Variants in ABHD2 observed in about 807,000 individuals in gnomAD.
ABHD2 encodes monoacylglycerol lipase ABHD2.
ABHD2 carries 20 observed loss-of-function variants against 48.1 expected under a neutral mutation model. The observed-to-expected ratio is 0.42, with a 90% CI of 0.29 to 0.60. The LOEUF (loss-of-function observed/expected upper bound fraction) is 0.60, where lower values mean the gene tolerates loss of function less well. Among genes scored for constraint, ABHD2 ranks in the 20% least tolerant of loss-of-function variants. The pLI is 0.24. For missense variants in ABHD2, 405 were observed against 550.9 expected (o/e 0.74, Z 2.65); for synonymous variants, 209 against 214.2 (o/e 0.98, Z 0.21).
rs896214718 is a variant in ABHD2 at position 89,168,050 on chromosome 15, T to A, written c.539-7762T>A. Among the ~76,000 whole-genome samples, 41 of 152,046 alleles carry A rather than the reference T, an allele frequency of 2.7e-4. No individual in the cohort carries two copies. The highest frequency in any genetic ancestry group is 9.2e-4 in the African/African-American group (38 of 41,394). On this transcript the variant is annotated intron_variant, in intron 5 of 10. Coordinates refer to ENST00000352732, the MANE Select transcript of ABHD2 (RefSeq NM_152924.5). This position sits in a 1 kb window ranked among gnomAD's most constrained non-coding sequence, Gnocchi z 4.8. ...TGGAACATACAGAGATGACTCAGAG[T>A]CTCCATCCACAAGGAACACCAAGTC...
At chr15:89,171,208 C>T (rs1181251577) in intron 5 of ABHD2, among the ~76,000 whole-genome samples, 1 of 152,160 alleles carries the variant, frequency 6.6e-6, no homozygotes, top group Non-Finnish European at 1.5e-5. Flanking sequence ...GTCAGCATCA[C>T]CTGAGAACTT....
chr15:89,048,939 C>G, the ABHD2 span, among the ~76,000 whole-genome samples: 1 of 147,164 alleles, frequency 6.8e-6, no homozygotes, highest in African/African-American at 2.6e-5. Context: ...GAACTGCGTT[C>G]CTTTGGAGGA....
chr15:89,175,761 C>T lies in ABHD2; in HGVS notation c.539-51C>T, dbSNP rs778474255. On this transcript the variant is annotated intron_variant, in intron 5 of 10. Transcript: ENST00000352732. This position sits in a 1 kb window ranked among gnomAD's most constrained non-coding sequence, Gnocchi z 5.7. ...GTAACGTTCCAGCTTGCATTTTCTC[C>T]AGATAGGATGCACCTGAAATGATTG... is the stretch of plus-strand genomic sequence containing the variant. The T allele has an allele frequency of 6.2e-7, 1 of 1,603,392 alleles. No homozygotes were observed. The highest frequency in any genetic ancestry group is 1.1e-5 in the South Asian group (1 of 90,188).
Position 89,185,352 on chromosome 15 carries a change from C to A in ABHD2, c.723-72C>A. 1 of 1,245,950 alleles carries A rather than the reference C, an allele frequency of 8.0e-7. No homozygotes were observed. The highest frequency in any genetic ancestry group is 1.2e-6 in the Non-Finnish European group (1 of 854,028). The allele number at this position is 1,245,950 out of a possible 1,614,324, so 77.2% of individuals were successfully genotyped here. On this transcript the variant is annotated intron_variant, in intron 6 of 10. Transcript: ENST00000352732. The surrounding 1 kb of genome is among the most constrained non-coding windows in gnomAD (Gnocchi z 5.9). The stretch of plus-strand genomic sequence containing the variant: ...TCCACACAAGCACCTCACCCCATGG[C>A]TAGAGCCCCCTCCTGGCTGCCCGCC...
At chr15:89,178,434 G>A (rs2051052764) in intron 6 of ABHD2, among the ~76,000 whole-genome samples, 1 of 152,210 alleles carries the variant, frequency 6.6e-6, no homozygotes, top group South Asian at 2.1e-4. Context: ...GAGCCGGGGA[G>A]GCCCGTCTGC....
At chr15:89,049,321 A>G in the ABHD2 span, among the ~76,000 whole-genome samples, 1 of 152,228 alleles carries the variant, frequency 6.6e-6, no homozygotes, top group African/African-American at 2.4e-5. Context: ...TTAAGTCTGT[A>G]GAGGTTACTG....
At position 89,197,224 on chromosome 15, in the gene ABHD2, C is replaced by T. The variant is rs950990911; in HGVS notation, c.*1801C>T. 4 of 152,670 alleles carry T rather than the reference C, an allele frequency of 2.6e-5. No individual in the cohort carries two copies. The highest frequency in any genetic ancestry group is 9.6e-5 in the African/African-American group (4 of 41,458). 9.5% of individuals were successfully genotyped at this position (152,670 alleles called of 1,614,324 possible). On this transcript the variant is annotated 3_prime_UTR_variant, in exon 11 of 11. Transcript: ENST00000352732. The surrounding 1 kb of genome is among the most constrained non-coding windows in gnomAD (Gnocchi z 4.4). Reference sequence around the variant, plus strand: ...CATCCGAATGACATCAAAAGCAGCCCTTATCTCAGAGACTGAGATTTCTGT... The same window carrying T: ...CATCCGAATGACATCAAAAGCAGCCTTTATCTCAGAGACTGAGATTTCTGT...
intron 3 of ABHD2, among the ~76,000 whole-genome samples, chr15:89,145,568 G>T (rs2050477503): frequency 6.6e-6 from 1 of 152,176 alleles, no homozygotes; most frequent in African/African-American, 2.4e-5. Flanking sequence ...TCAAAGACAA[G>T]CCCAGCTCAA....
chr15:89,048,997 T>C, the ABHD2 span, among the ~76,000 whole-genome samples: 1 of 152,102 alleles, frequency 6.6e-6, no homozygotes, highest in East Asian at 1.9e-4. Flanking sequence ...TGCTCTGTTT[T>C]TTCCCCATCT....
intron 3 of ABHD2, among the ~76,000 whole-genome samples, chr15:89,121,259 G>T (rs1412637606): frequency 6.6e-6 from 1 of 152,090 alleles, no homozygotes; most frequent in Non-Finnish European, 1.5e-5. Context: ...GTCTCCCATG[G>T]TGCCCTTCAG....
intron 3 of ABHD2, among the ~76,000 whole-genome samples, chr15:89,130,255 G>A (rs2050198183): frequency 6.6e-6 from 1 of 152,138 alleles, no homozygotes; most frequent in African/African-American, 2.4e-5. Flanking sequence ...CTCATGCTAC[G>A]TGTTTATTTC....
chr15:89,149,159 T>C (rs1225578583), intron 3 of ABHD2, among the ~76,000 whole-genome samples: 3 of 151,972 alleles, frequency 2.0e-5, no homozygotes, highest in Admixed American at 6.6e-5. Context: ...CTGTGTATAA[T>C]TGATCTTACA....
Position 89,179,972 on chromosome 15 carries a change from C to T in ABHD2, c.722+3977C>T, listed in dbSNP as rs1055283303. On this transcript the variant is annotated intron_variant, in intron 6 of 10. Coordinates refer to ENST00000352732, the MANE Select transcript of ABHD2 (RefSeq NM_152924.5). The surrounding 1 kb of genome is among the most constrained non-coding windows in gnomAD (Gnocchi z 4.3). ...TATTGTCTCTCTTGCTTTTGATGGG[C>T]AAACTTCAGGCTAGAGATGAGTTTA... 6.6e-6 allele frequency among the ~76,000 whole-genome samples: 1 copy of T among 152,178 alleles called. No individual in the cohort carries two copies. Among genetic ancestry groups the T allele is most frequent in the African/African-American group, 2.4e-5 (1 of 41,440 alleles).
chr15:89,180,397 T>TG (rs1296861192), intron 6 of ABHD2, among the ~76,000 whole-genome samples: 1 of 152,228 alleles, frequency 6.6e-6, no homozygotes, highest in Non-Finnish European at 1.5e-5. Flanking sequence ...TGGCCATCCC[T>TG]ACTCTAGTCT....
intron 10 of ABHD2, among the ~76,000 whole-genome samples, chr15:89,194,388 A>T (rs1457366785): frequency 6.6e-6 from 1 of 152,264 alleles, no homozygotes; most frequent in East Asian, 1.9e-4. Context: ...GGAGAGGCTG[A>T]GGCATGAGAA....
At chr15:89,073,955 ACT>A in the ABHD2 span, among the ~76,000 whole-genome samples, 4 of 152,198 alleles carry the variant, frequency 2.6e-5, no homozygotes, top group African/African-American at 9.7e-5. Flanking sequence ...TGGGACCCAC[ACT>A]CAGAATCACA....
At chr15:89,161,728 G>T (rs1300690083) in intron 5 of ABHD2, among the ~76,000 whole-genome samples, 1 of 152,190 alleles carries the variant, frequency 6.6e-6, no homozygotes, top group Admixed American at 6.5e-5. Context: ...GCAAGCCCCA[G>T]ACAGCCTGTC....
At chr15:89,149,382 T>C (rs1273413641) in intron 3 of ABHD2, among the ~76,000 whole-genome samples, 1 of 152,246 alleles carries the variant, frequency 6.6e-6, no homozygotes, top group Non-Finnish European at 1.5e-5. Context: ...TATTTTTGTA[T>C]ATTTTAAAAA....
chr15:89,110,369 C>A (rs867270242), intron 1 of ABHD2, among the ~76,000 whole-genome samples: 7 of 151,994 alleles, frequency 4.6e-5, no homozygotes, highest in African/African-American at 1.2e-4. Context: ...GCCTTATTGT[C>A]TTTTTTTTCA....
Sources: allele counts gnomAD v4.1 joint callset (sites outside exome capture counted in the v4.1 genomes callset), GRCh38; gene constraint gnomAD v4.1.1; non-coding constraint Gnocchi (gnomAD v3.1); transcripts MANE v1.5; gene names NCBI Gene and HGNC (gene_info 2026-07-23, HGNC 2026-07-21).